The following SLC47A1 variants were observed in gnomAD, a reference collection of about 807,000 sequenced individuals.
The protein encoded by SLC47A1 is solute carrier family 47 member 1.
Under a neutral mutation model 65.8 loss-of-function variants are expected in SLC47A1, and 58 were observed. The observed-to-expected ratio is 0.88, with a 90% CI of 0.71 to 1.10. The LOEUF (loss-of-function observed/expected upper bound fraction) is 1.10, where lower values mean the gene tolerates loss of function less well. Among genes scored for constraint, SLC47A1 ranks in the 50% least tolerant of loss-of-function variants. The pLI is 0.00. For synonymous variants in SLC47A1, 285 were observed against 295.0 expected (o/e 0.97, Z 0.35); for missense variants, 706 against 719.2 (o/e 0.98, Z 0.21).
intron 2 of SLC47A1, 139 bp from the exon 3 acceptor site, chr17:19,546,296 A>G: frequency 1.3e-6 from 1 of 744,452 alleles, no homozygotes; most frequent in South Asian, 1.7e-5. Flanking sequence ...AGTGGGGTCC[A>G]GGCAGCTAAC....
chr17:19,576,857 A>G (rs1207266257), intron 16 of SLC47A1, among the ~76,000 whole-genome samples: 2 of 151,656 alleles, frequency 1.3e-5, no homozygotes, highest in African/African-American at 4.9e-5. Flanking sequence ...CTCCTGCCTC[A>G]CTGCCTCAGC....
intron 10 of SLC47A1, among the ~76,000 whole-genome samples, chr17:19,556,883 T>C (rs1317160039): frequency 4.6e-5 from 7 of 152,178 alleles, no homozygotes; most frequent in Non-Finnish European, 1.0e-4. Flanking sequence ...AGGAGCATTA[T>C]TGACAGTAGA....
intron 14 of SLC47A1, among the ~76,000 whole-genome samples, chr17:19,569,962 G>T (rs2084387033): frequency 6.6e-6 from 1 of 152,066 alleles, no homozygotes; most frequent in Non-Finnish European, 1.5e-5. Context: ...CTAAGAGCAG[G>T]CTAGGCTGGG....
chr17:19,556,795 G>A (rs995068778), intron 10 of SLC47A1, among the ~76,000 whole-genome samples: 6 of 152,140 alleles, frequency 3.9e-5, no homozygotes, highest in Admixed American at 2.6e-4. Context: ...GACCTCAGGC[G>A]ATCTACCCGC....
rs1329851445 is a variant in SLC47A1 at position 19,578,236 on chromosome 17, C to T, written c.*683C>T. 1 of 345,630 alleles carries T rather than the reference C, an allele frequency of 2.9e-6. No homozygotes were observed. The highest frequency in any genetic ancestry group is 5.7e-6 in the Non-Finnish European group (1 of 175,198). 21.4% of individuals were successfully genotyped at this position (345,630 alleles called of 1,614,324 possible). A position where few individuals can be genotyped will look rare whatever the true frequency, so the allele number is the denominator to read the frequency against. On this transcript the variant is annotated 3_prime_UTR_variant, in exon 17 of 17. Transcript: ENST00000270570. ...GGAAATCTTTCGAGCTGTGGAAATC[C>T]AAACAAAGACTGATAATTCCTGGTA... is the stretch of plus-strand genomic sequence containing the variant.
chr17:19,547,493 T>C (rs1200533520), intron 3 of SLC47A1, among the ~76,000 whole-genome samples: 1 of 151,738 alleles, frequency 6.6e-6, no homozygotes, highest in East Asian at 1.9e-4. Flanking sequence ...AATTTCAGAT[T>C]GTTTACCTCT....
At chr17:19,568,056 G>A (rs2084373873) in intron 14 of SLC47A1, 1 of 152,200 alleles carries the variant, frequency 6.6e-6, no homozygotes, top group African/African-American at 2.4e-5. Flanking sequence ...GGAACATATT[G>A]GCAGTTAATA....
chr17:19,538,920 G>A lies in SLC47A1; in HGVS notation c.136-3473G>A, dbSNP rs894810969. On this transcript the variant is annotated intron_variant, in intron 1 of 16. Transcript: ENST00000270570. The stretch of plus-strand genomic sequence containing the variant: ...CAGGGTCACTGTGACAAGAAGGGAC[G>A]GAAGCACGGTCAGTCTGGAAGTTTC... Among the ~76,000 whole-genome samples, 4 of 152,254 alleles carry A rather than the reference G, an allele frequency of 2.6e-5. 1 individual carries two copies. The highest frequency in any genetic ancestry group is 4.1e-4 in the South Asian group (2 of 4,826).
intron 6 of SLC47A1, among the ~76,000 whole-genome samples, chr17:19,552,486 T>G (rs1036576701): frequency 5.3e-5 from 8 of 152,204 alleles, no homozygotes; most frequent in Non-Finnish European, 1.0e-4. Context: ...TCTAGACCCT[T>G]GCTAAGGCAG....
At chr17:19,534,356 A>T (rs369802312) in intron 1 of SLC47A1, 3 of 374,616 alleles carry the variant, frequency 8.0e-6, no homozygotes, top group African/African-American at 6.4e-5. Flanking sequence ...CGGCGGCTCC[A>T]GCCTCCTGCG....
rs16960203 is a variant in SLC47A1 at position 19,555,659 on chromosome 17, C to T, written c.708C>T (p.Leu236=). 5.7e-3 allele frequency: 9,185 copies of T among 1,614,214 alleles called. 383 individuals carry two copies. In the Admixed American group the frequency reaches 0.079, roughly 14 times the overall value. Residue 236 remains leucine, a synonymous_variant, in exon 8 of 17, where the codon CTC becomes CTT. Coordinates refer to ENST00000270570, the MANE Select transcript of SLC47A1 (RefSeq NM_018242.3). ...TLALLLFLYI[L]GKKLHQATWG... ...CTCTACTCCTCTTTCTCTACATCCT[C>T]GGGAAAAAACTGCATCAAGCTACAT...
In SLC47A1 at chr17:19,556,063, GT is replaced by G. The variant is rs1403114512; in HGVS notation, c.921+2del. 1 of 1,613,780 alleles carries G rather than the reference GT, an allele frequency of 6.2e-7. No homozygotes were observed. Among genetic ancestry groups the G allele is most frequent in the East Asian group, 2.2e-5 (1 of 44,880 alleles). On this transcript the variant is annotated splice_donor_variant, in intron 10 of 16. Transcript: ENST00000270570. LOFTEE classifies it high-confidence loss of function. ...TGAACTGGCCATCATTGTGTACATGGTAAGCAGGGGAGCCGATCATGGGGAG... is the reference window on the plus strand; with the variant it reads ...TGAACTGGCCATCATTGTGTACATGGAAGCAGGGGAGCCGATCATGGGGAG...
chr17:19,543,749 G>A (rs1327054531), intron 2 of SLC47A1, among the ~76,000 whole-genome samples: 1 of 152,176 alleles, frequency 6.6e-6, no homozygotes, highest in Admixed American at 6.5e-5. Flanking sequence ...TGTCTAGTTA[G>A]GTTGTTTCTA....
intron 12 of SLC47A1, among the ~76,000 whole-genome samples, chr17:19,565,023 G>T (rs1239710067): frequency 6.6e-6 from 1 of 152,144 alleles, no homozygotes; most frequent in Non-Finnish European, 1.5e-5. Flanking sequence ...CTGGGCCAGT[G>T]CTGGATTTCT....
intron 12 of SLC47A1, among the ~76,000 whole-genome samples, chr17:19,562,478 T>C (rs2084320461): frequency 6.6e-6 from 1 of 151,514 alleles, no homozygotes; most frequent in Admixed American, 6.6e-5. Context: ...GGCAGGAGAA[T>C]CACTTGAACC....
At chr17:19,540,809 A>G (rs1216481849) in intron 1 of SLC47A1, among the ~76,000 whole-genome samples, 1 of 151,006 alleles carries the variant, frequency 6.6e-6, no homozygotes, top group Non-Finnish European at 1.5e-5. Flanking sequence ...TGCCTGGATC[A>G]TGTAGGAGTT....
At position 19,555,200 on chromosome 17, in the gene SLC47A1, T is replaced by C; in HGVS notation, c.544-12T>C. 1 of 1,613,462 alleles carries C rather than the reference T, an allele frequency of 6.2e-7. No individual in the cohort carries two copies. Among genetic ancestry groups the C allele is most frequent in the Non-Finnish European group, 8.5e-7 (1 of 1,179,378 alleles). On this transcript the variant is annotated splice_polypyrimidine_tract_variant and intron_variant, in intron 6 of 16. Coordinates refer to ENST00000270570, the MANE Select transcript of SLC47A1 (RefSeq NM_018242.3). ...TGGATCTCAAGGATGGCATGCGGTG[T>C]CCTTTTTCCAGGGAATTGTACTGCC... is the stretch of plus-strand genomic sequence containing the variant.
intron 16 of SLC47A1, among the ~76,000 whole-genome samples, chr17:19,574,510 G>A (rs1317007036): frequency 6.6e-6 from 1 of 152,202 alleles, no homozygotes; most frequent in Admixed American, 6.5e-5. Context: ...GCATTCTGAT[G>A]CCTTCAAGAT....
intron 1 of SLC47A1, 194 bp downstream of exon 1, chr17:19,534,268 C>T: frequency 1.5e-6 from 1 of 650,950 alleles, no homozygotes; most frequent in Non-Finnish European, 2.3e-6. Flanking sequence ...TTCCGCTCCG[C>T]ACCACCCGAC....
Sources: gnomAD v4.1 joint callset for allele counts (sites outside exome capture counted in the v4.1 genomes callset) on GRCh38, gnomAD v4.1.1 for gene constraint, MANE v1.5 for transcripts, NCBI Gene and HGNC (gene_info 2026-07-23, HGNC 2026-07-21) for gene names.